CSMD1: variants seen among roughly 807,000 people sequenced by gnomAD.
CSMD1 encodes the protein CUB and sushi domain-containing protein 1.
In CSMD1, 213 loss-of-function variants were observed where a neutral mutation model predicts 417.5. That is an observed-to-expected ratio of 0.51 (90% confidence interval 0.46 to 0.57). The LOEUF (loss-of-function observed/expected upper bound fraction) is 0.57, where lower values mean the gene tolerates loss of function less well. CSMD1 is among the 20% of genes least tolerant of loss of function. CSMD1 has a pLI of 0.00. For synonymous variants in CSMD1, 2,862 were observed against 1,736.8 expected (o/e 1.65, Z -16.11); for missense variants, 6,923 against 4,529.7 (o/e 1.53, Z -15.17).
At chr8:3,671,497 ATATATATATATATATG>A (rs1799037949) in intron 7 of CSMD1, among the ~76,000 whole-genome samples, 11 of 6,756 alleles carry the variant, frequency 1.6e-3, no homozygotes, top group African/African-American at 7.6e-3. Context: ...ATATATGATC[ATATATATATATATATG>A]ATCATATATA....
chr8:3,895,190 T>A (rs988430138), intron 5 of CSMD1, among the ~76,000 whole-genome samples: 3 of 152,208 alleles, frequency 2.0e-5, no homozygotes, highest in African/African-American at 7.2e-5. Context: ...AAGTTTCCTG[T>A]TACTAAGAAA....
intron 6 of CSMD1, among the ~76,000 whole-genome samples, chr8:3,714,029 T>TAGATAGATAGAC (rs1460226724): frequency 8.7e-6 from 1 of 114,314 alleles, no homozygotes; most frequent in Non-Finnish European, 2.0e-5. Flanking sequence ...ACTATGCAGA[T>TAGATAGATAGAC]AGATAGATAG....
intron 5 of CSMD1, among the ~76,000 whole-genome samples, chr8:3,807,327 T>C (rs1006302403): frequency 6.6e-6 from 1 of 152,164 alleles, no homozygotes; most frequent in Non-Finnish European, 1.5e-5. Flanking sequence ...GGTTTTGTAC[T>C]TGACAAAGAG....
intron 28 of CSMD1, among the ~76,000 whole-genome samples, chr8:3,219,969 G>C (rs1381562704): frequency 6.6e-6 from 1 of 151,870 alleles, no homozygotes; most frequent in East Asian, 1.9e-4. Context: ...AACATAATGA[G>C]ATCCTGTCTG....
chr8:3,567,094 A>G (rs1799746447), intron 10 of CSMD1, among the ~76,000 whole-genome samples: 1 of 152,244 alleles, frequency 6.6e-6, no homozygotes, highest in South Asian at 2.1e-4. Context: ...CTATGCAGCC[A>G]TATAAAAAGA....
At chr8:3,999,567 C>G (rs1815495148) in intron 4 of CSMD1, among the ~76,000 whole-genome samples, 1 of 152,134 alleles carries the variant, frequency 6.6e-6, no homozygotes, top group Non-Finnish European at 1.5e-5. Flanking sequence ...TCAGTTTACT[C>G]AGAAGAATGC....
chr8:3,459,475 C>A (rs1253936187), intron 12 of CSMD1, among the ~76,000 whole-genome samples: 1 of 152,156 alleles, frequency 6.6e-6, no homozygotes, highest in Non-Finnish European at 1.5e-5. Flanking sequence ...TCTATGAAGA[C>A]CCCTGGGTGA....
chr8:4,122,475 G>T (rs10088509), intron 3 of CSMD1, among the ~76,000 whole-genome samples: 4 of 152,204 alleles, frequency 2.6e-5, no homozygotes, highest in South Asian at 4.1e-4. Context: ...GAAACTAAGA[G>T]ACACGTAGAT....
intron 2 of CSMD1, among the ~76,000 whole-genome samples, chr8:4,431,268 A>G (rs1360839624): frequency 1.3e-5 from 2 of 152,184 alleles, no homozygotes; most frequent in Non-Finnish European, 2.9e-5. Flanking sequence ...TTAAATAATA[A>G]TATGCAAATT....
At chr8:3,445,165 A>G (rs1315758124) in intron 12 of CSMD1, among the ~76,000 whole-genome samples, 1 of 152,228 alleles carries the variant, frequency 6.6e-6, no homozygotes, top group Non-Finnish European at 1.5e-5. Flanking sequence ...TCACAATCAT[A>G]ACACAGTACA....
chr8:3,970,323 G>A (rs1434118952), intron 5 of CSMD1, among the ~76,000 whole-genome samples: 1 of 152,140 alleles, frequency 6.6e-6, no homozygotes, highest in Non-Finnish European at 1.5e-5. Flanking sequence ...GATCAACACA[G>A]AGAATCCTAT....
intron 3 of CSMD1, among the ~76,000 whole-genome samples, chr8:4,200,097 G>T (rs779116): frequency 1 from 152,174 of 152,330 alleles, 76,009 homozygotes; most frequent in Non-Finnish European, 1. Context: ...TATGTAATAA[G>T]TTATTTGAGA....
Position 2,950,240 on chromosome 8 carries a change from T to G in CSMD1, c.10305A>C (p.Leu3435=). ...TTACACATGTACTTACATAACCATC[T>G]AGTCCCCAGTTGTCATTTTCGAACT... is the stretch of plus-strand genomic sequence containing the variant. The part of the protein sequence containing the change: ...VSKFENDNWG[L]DGYVSSGLER... Residue 3435 remains leucine (L), a synonymous_variant, in exon 67 of 70, where the codon CTA becomes CTC. Coordinates refer to ENST00000635120, the MANE Select transcript of CSMD1 (RefSeq NM_033225.6). 1 of 1,599,898 alleles carries G rather than the reference T, an allele frequency of 6.3e-7. No individual in the cohort carries two copies. Among genetic ancestry groups the G allele is most frequent in the Non-Finnish European group, 8.6e-7 (1 of 1,167,074 alleles).
At chr8:4,836,078 A>G (rs1800459889) in intron 1 of CSMD1, among the ~76,000 whole-genome samples, 1 of 152,186 alleles carries the variant, frequency 6.6e-6, no homozygotes, top group Non-Finnish European at 1.5e-5. Flanking sequence ...TTGGACATAC[A>G]CAAGTAATGC....
intron 5 of CSMD1, among the ~76,000 whole-genome samples, chr8:3,967,958 G>C (rs1017599858): frequency 6.8e-6 from 1 of 147,600 alleles, no homozygotes; most frequent in Non-Finnish European, 1.5e-5. Flanking sequence ...ACGAGGTCAG[G>C]AGATCGAGAC....
intron 3 of CSMD1, among the ~76,000 whole-genome samples, chr8:4,201,347 G>A (rs192589354): frequency 6.6e-6 from 1 of 151,978 alleles, no homozygotes; most frequent in East Asian, 1.9e-4. Context: ...GACCATCTTG[G>A]GTAACACGGT....
intron 5 of CSMD1, among the ~76,000 whole-genome samples, chr8:3,814,961 T>C (rs1230728531): frequency 6.6e-6 from 1 of 152,146 alleles, no homozygotes; most frequent in Non-Finnish European, 1.5e-5. Flanking sequence ...AAAAATGATC[T>C]TTGAAAGACA....
Position 3,205,527 on chromosome 8 carries a change from G to A in CSMD1, c.4961C>T (p.Ser1654Phe). Residue 1654 changes from serine to phenylalanine, a missense_variant, in exon 31 of 70, where the codon TCC (serine) becomes TTC (phenylalanine). Ser to Phe is a radical substitution (Grantham distance 155). Coordinates refer to ENST00000635120, the MANE Select transcript of CSMD1 (RefSeq NM_033225.6). ...ACCGAATTCCTTTGGTACCGTGATG[G>A]AATAGAGGCATATTTGACCAGCTGT... ...NYTAGQICLY[S>F]ITVPKEFVVF... 1.9e-6 allele frequency: 3 copies of A among 1,581,452 alleles called. No homozygotes were observed. Among genetic ancestry groups the A allele is most frequent in the South Asian group, 1.1e-5 (1 of 88,002 alleles).
chr8:3,533,299 ATAAT>A (rs1191036641), intron 10 of CSMD1, among the ~76,000 whole-genome samples: 3 of 152,116 alleles, frequency 2.0e-5, no homozygotes, highest in African/African-American at 7.3e-5. Flanking sequence ...CCAATATAAT[ATAAT>A]TAACTATAAA....
Sources: gnomAD v4.1 joint callset for allele counts (sites outside exome capture counted in the v4.1 genomes callset) on GRCh38, gnomAD v4.1.1 for gene constraint, MANE v1.5 for transcripts, NCBI Gene and HGNC (gene_info 2026-07-23, HGNC 2026-07-21) for gene names.